RFTN1: variants seen among roughly 807,000 people sequenced by gnomAD.
RFTN1 encodes the protein raftlin, lipid raft linker 1, also known as raftlin.
Under a neutral mutation model 46.5 loss-of-function variants are expected in RFTN1, and 26 were observed. The ratio of observed to expected loss-of-function variants is 0.56; its 90% confidence interval spans 0.41 to 0.78. RFTN1 has a LOEUF of 0.78. RFTN1 is among the 30% of genes least tolerant of loss of function. RFTN1 has a pLI of 0.00. For synonymous variants in RFTN1, 261 were observed against 284.2 expected (o/e 0.92, Z 0.82); for missense variants, 693 against 718.7 (o/e 0.96, Z 0.41).
chr3:16,372,809 C>G (rs1179480878), intron 5 of RFTN1, among the ~76,000 whole-genome samples: 1 of 152,198 alleles, frequency 6.6e-6, no homozygotes, highest in Non-Finnish European at 1.5e-5. Context: ...CCCCAGGGGG[C>G]CAGACTGAAG....
chr3:16,470,473 A>C (rs562279161), intron 2 of RFTN1, among the ~76,000 whole-genome samples: 21 of 152,320 alleles, frequency 1.4e-4, no homozygotes, highest in African/African-American at 4.8e-4. Context: ...TGGCTTGAAG[A>C]AACAGAAGAC....
rs1456801289 is a variant in RFTN1 at position 16,498,607 on chromosome 3, GT to G, written c.-8-4731del. Among the ~76,000 whole-genome samples, 26 of 152,312 alleles carry G rather than the reference GT, an allele frequency of 1.7e-4. No homozygotes were observed. Among genetic ancestry groups the G allele is most frequent in the Middle Eastern group, 3.4e-3 (1 of 294 alleles). Reference sequence around the variant, plus strand: ...TGCGTGCAACCCTGGCTAAGCAACTGTTTCTAAAGCACAGCCCTCTTTGGAA... The same window carrying G: ...TGCGTGCAACCCTGGCTAAGCAACTGTTCTAAAGCACAGCCCTCTTTGGAA... On this transcript the variant is annotated intron_variant, in intron 1 of 9. Coordinates refer to ENST00000334133, the MANE Select transcript of RFTN1 (RefSeq NM_015150.2). This position sits in a 1 kb window ranked among gnomAD's most constrained non-coding sequence, Gnocchi z 5.2.
At chr3:16,378,833 C>T (rs915768236) in intron 4 of RFTN1, among the ~76,000 whole-genome samples, 6 of 152,170 alleles carry the variant, frequency 3.9e-5, no homozygotes, top group East Asian at 1.9e-4. Context: ...TTCCTTCTCA[C>T]TCCCTGTACC....
At chr3:16,508,063 G>T (rs926491652) in intron 1 of RFTN1, among the ~76,000 whole-genome samples, 4 of 152,138 alleles carry the variant, frequency 2.6e-5, no homozygotes, top group African/African-American at 9.7e-5. Flanking sequence ...AGAGTTTGTC[G>T]GCATCAAACA....
At chr3:16,438,203 C>G (rs1011445085) in intron 2 of RFTN1, among the ~76,000 whole-genome samples, 2 of 152,022 alleles carry the variant, frequency 1.3e-5, no homozygotes, top group Non-Finnish European at 2.9e-5. Context: ...ATAAAATAAA[C>G]CTTTATTGAG....
intron 5 of RFTN1, among the ~76,000 whole-genome samples, chr3:16,375,307 G>A (rs2073722887): frequency 6.6e-6 from 1 of 152,044 alleles, no homozygotes; most frequent in South Asian, 2.1e-4. Context: ...CAACCAATAA[G>A]GACAGGGTCC....
rs1196682245 is a variant in RFTN1, at chr3:16,400,909, A to G, written c.441+8466T>C. On this transcript the variant is annotated intron_variant, in intron 4 of 9. Coordinates refer to ENST00000334133, the MANE Select transcript of RFTN1 (RefSeq NM_015150.2). The surrounding 1 kb of genome is among the most constrained non-coding windows in gnomAD (Gnocchi z 4.5). ...CCTTCCTCCTCCCTCCCCTGCCAGC[A>G]TCAAAGGAGGGGATGCCCATTACCT... is the stretch of plus-strand genomic sequence containing the variant. Among the ~76,000 whole-genome samples, 1 of 152,122 alleles carries G rather than the reference A, an allele frequency of 6.6e-6. No individual in the cohort carries two copies. The highest frequency in any genetic ancestry group is 1.5e-5 in the Non-Finnish European group (1 of 68,014).
chr3:16,392,401 A>G (rs1395720186), intron 4 of RFTN1, among the ~76,000 whole-genome samples: 2 of 152,102 alleles, frequency 1.3e-5, no homozygotes, highest in Non-Finnish European at 2.9e-5. Context: ...CACACTCATT[A>G]TCTGTGCTGG....
At position 16,459,649 on chromosome 3, in the gene RFTN1, T is replaced by C. The variant is rs1459312521; in HGVS notation, c.146-25612A>G. Reference sequence around the variant, plus strand: ...GAAAATTACAAATAAAACTCAACTCTACATTCAAAATTTTCTTAAAATTTT... The same window carrying C: ...GAAAATTACAAATAAAACTCAACTCCACATTCAAAATTTTCTTAAAATTTT... On this transcript the variant is annotated intron_variant, in intron 2 of 9. Coordinates refer to ENST00000334133, the MANE Select transcript of RFTN1 (RefSeq NM_015150.2). The surrounding 1 kb of genome is among the most constrained non-coding windows in gnomAD (Gnocchi z 4.2). 6.6e-6 allele frequency among the ~76,000 whole-genome samples: 1 copy of C among 152,136 alleles called. No individual in the cohort carries two copies. The highest frequency in any genetic ancestry group is 1.5e-5 in the Non-Finnish European group (1 of 68,028).
Position 16,353,587 on chromosome 3 carries a change from A to G in RFTN1, c.1146+4345T>C, listed in dbSNP as rs2072233634. ...CACCGTTAAAGACTAAATGTTTTCT[A>G]TCCTCCCACAATGCGTATGTTGAGG... is the stretch of plus-strand genomic sequence containing the variant. On this transcript the variant is annotated intron_variant, in intron 7 of 9. Coordinates refer to ENST00000334133, the MANE Select transcript of RFTN1 (RefSeq NM_015150.2). This position sits in a 1 kb window ranked among gnomAD's most constrained non-coding sequence, Gnocchi z 5.4. Among the ~76,000 whole-genome samples the G allele has an allele frequency of 6.6e-6, 1 of 152,208 alleles. No homozygotes were observed. The highest frequency in any genetic ancestry group is 2.4e-5 in the African/African-American group (1 of 41,458).
intron 3 of RFTN1, among the ~76,000 whole-genome samples, chr3:16,416,399 C>T (rs1408024647): frequency 6.6e-6 from 1 of 152,146 alleles, no homozygotes; most frequent in Non-Finnish European, 1.5e-5. Context: ...GTATAGTACC[C>T]TGGATTGGAT....
chr3:16,377,122 A>T (rs192939250), intron 5 of RFTN1, among the ~76,000 whole-genome samples: 3 of 152,190 alleles, frequency 2.0e-5, no homozygotes, highest in African/African-American at 4.8e-5. Flanking sequence ...AATACAGAGA[A>T]ACGGAGGGAA....
chr3:16,328,718 G>A (rs544326519), intron 7 of RFTN1, among the ~76,000 whole-genome samples: 13 of 152,296 alleles, frequency 8.5e-5, no homozygotes, highest in African/African-American at 2.6e-4. Flanking sequence ...CGGGAGTAGG[G>A]CCCCGGAATC....
At position 16,483,547 on chromosome 3, in the gene RFTN1, C is replaced by T. The variant is rs540664737; in HGVS notation, c.145+10178G>A. On this transcript the variant is annotated intron_variant, in intron 2 of 9. Coordinates refer to ENST00000334133, the MANE Select transcript of RFTN1 (RefSeq NM_015150.2). This position sits in a 1 kb window ranked among gnomAD's most constrained non-coding sequence, Gnocchi z 4.8. ...TCTGGTGTGCAGCTGGGCATGGGAACTTTTTAAACAAACTTTGAGAATCAT... is the reference window on the plus strand; with the variant it reads ...TCTGGTGTGCAGCTGGGCATGGGAATTTTTTAAACAAACTTTGAGAATCAT... 6.6e-6 allele frequency among the ~76,000 whole-genome samples: 1 copy of T among 152,260 alleles called. No individual in the cohort carries two copies. The highest frequency in any genetic ancestry group is 6.5e-5 in the Admixed American group (1 of 15,290).
chr3:16,434,876 G>C (rs190264814), intron 2 of RFTN1: 1 of 152,194 alleles, frequency 6.6e-6, no homozygotes, highest in Admixed American at 6.5e-5. Flanking sequence ...ATATGAATAG[G>C]CAATTGCCTT....
intron 7 of RFTN1, among the ~76,000 whole-genome samples, chr3:16,331,966 CTAT>C (rs1305785582): frequency 6.6e-6 from 1 of 152,204 alleles, no homozygotes; most frequent in Non-Finnish European, 1.5e-5. Context: ...GTCAGCAATG[CTAT>C]TGAGATAATC....
Position 16,499,623 on chromosome 3 carries a change from T to C in RFTN1, c.-8-5746A>G, listed in dbSNP as rs536026297. Among the ~76,000 whole-genome samples the C allele has an allele frequency of 2.6e-5, 4 of 152,316 alleles. No individual in the cohort carries two copies. Among genetic ancestry groups the C allele is most frequent in the African/African-American group, 7.2e-5 (3 of 41,570 alleles). On this transcript the variant is annotated intron_variant, in intron 1 of 9. Transcript: ENST00000334133. The surrounding 1 kb of genome is among the most constrained non-coding windows in gnomAD (Gnocchi z 4.9). ...GATTCCTGAGCAAAATAAGCTACTG[T>C]TGTTGTTTTAAGCTTCTAAGTTTTG...
rs1332539609 is a variant in RFTN1, at chr3:16,429,137, C to T, written c.332+4714G>A. Among the ~76,000 whole-genome samples the T allele has an allele frequency of 6.7e-6, 1 of 150,136 alleles. No homozygotes were observed. The highest frequency in any genetic ancestry group is 6.7e-5 in the Admixed American group (1 of 14,882). On this transcript the variant is annotated intron_variant, in intron 3 of 9. Transcript: ENST00000334133. The surrounding 1 kb of genome is among the most constrained non-coding windows in gnomAD (Gnocchi z 6.4). ...TACACTTAGAATTAAGAACAGTTTA[C>T]AGTTAGATGTGTGGCTAGGCCTGCC...
rs1252232652 is a variant in RFTN1, at chr3:16,449,027, T to C, written c.146-14990A>G. ...CTCCCTCACACACTTAATAAATGCATCCGTGTGGTATTAATGTTTCAACTT... is the reference window on the plus strand; with the variant it reads ...CTCCCTCACACACTTAATAAATGCACCCGTGTGGTATTAATGTTTCAACTT... On this transcript the variant is annotated intron_variant, in intron 2 of 9. Transcript: ENST00000334133. This position sits in a 1 kb window ranked among gnomAD's most constrained non-coding sequence, Gnocchi z 5.1. 6.6e-6 allele frequency among the ~76,000 whole-genome samples: 1 copy of C among 152,218 alleles called. No individual in the cohort carries two copies. Among genetic ancestry groups the C allele is most frequent in the Admixed American group, 6.5e-5 (1 of 15,290 alleles).
Sources: allele counts gnomAD v4.1 joint callset (sites outside exome capture counted in the v4.1 genomes callset), GRCh38; gene constraint gnomAD v4.1.1; non-coding constraint Gnocchi (gnomAD v3.1); transcripts MANE v1.5; gene names NCBI Gene and HGNC (gene_info 2026-07-23, HGNC 2026-07-21).